The following CREB3L2 variants were observed in gnomAD, a reference collection of about 807,000 sequenced individuals.
CREB3L2 encodes cAMP responsive element binding protein 3 like 2.
In CREB3L2, 23 loss-of-function variants were observed where a neutral mutation model predicts 57.2. The ratio of observed to expected loss-of-function variants is 0.40; its 90% CI spans 0.29 to 0.57. The LOEUF (loss-of-function observed/expected upper bound fraction) is 0.57. Ranked by LOEUF, CREB3L2 falls within the 20% of genes least tolerant of loss-of-function variation. The pLI is 0.42. For missense variants in CREB3L2, 628 were observed against 634.7 expected (o/e 0.99, Z 0.11); for synonymous variants, 268 against 265.1 (o/e 1.01, Z -0.11).
intron 1 of CREB3L2, among the ~76,000 whole-genome samples, chr7:137,989,813 A>G (rs1490439479): frequency 6.6e-6 from 1 of 152,126 alleles, no homozygotes; most frequent in Non-Finnish European, 1.5e-5. Flanking sequence ...CAACGGCAAC[A>G]CCGTCAACTC....
At chr7:137,942,856 T>C (rs562776179) in intron 1 of CREB3L2, among the ~76,000 whole-genome samples, 6 of 152,298 alleles carry the variant, frequency 3.9e-5, no homozygotes, top group Non-Finnish European at 8.8e-5. Context: ...ACATTTGCCT[T>C]CTAGTCACAA....
At chr7:137,979,204 G>C (rs1801666607) in intron 1 of CREB3L2, among the ~76,000 whole-genome samples, 1 of 152,220 alleles carries the variant, frequency 6.6e-6, no homozygotes, top group African/African-American at 2.4e-5. Flanking sequence ...GAATACGAGT[G>C]CTTTGTGCCT....
intron 1 of CREB3L2, among the ~76,000 whole-genome samples, chr7:137,964,047 G>A (rs1801367576): frequency 6.6e-6 from 1 of 152,210 alleles, no homozygotes; most frequent in African/African-American, 2.4e-5. Context: ...AGGCGCGGTG[G>A]CTCACGCCTG....
intron 8 of CREB3L2, among the ~76,000 whole-genome samples, chr7:137,899,102 AAGGAAGGAAG>A (rs1446075447): frequency 3.1e-5 from 1 of 31,948 alleles, no homozygotes; most frequent in Non-Finnish European, 7.6e-5. Context: ...AAAGAGAAGG[AAGGAAGGAAG>A]GAAGGAAGGA....
At chr7:137,912,821 A>G in intron 4 of CREB3L2, 170 bp downstream of exon 4, 1 of 1,517,876 alleles carries the variant, frequency 6.6e-7, no homozygotes, top group South Asian at 1.2e-5. Context: ...TTAGCTTGCA[A>G]AATTTTTATT....
chr7:137,934,206 C>T (rs2117249510), intron 1 of CREB3L2, among the ~76,000 whole-genome samples: 1 of 152,272 alleles, frequency 6.6e-6, no homozygotes, highest in South Asian at 2.1e-4. Flanking sequence ...ATCTCTGTCC[C>T]CTACTGAGAG....
At chr7:137,917,374 C>T (rs1253928051) in intron 2 of CREB3L2, among the ~76,000 whole-genome samples, 1 of 152,178 alleles carries the variant, frequency 6.6e-6, no homozygotes, top group African/African-American at 2.4e-5. Context: ...AGCCACAGAA[C>T]AAGACAAAGC....
chr7:137,973,375 C>T (rs963777893), intron 1 of CREB3L2, among the ~76,000 whole-genome samples: 59 of 151,886 alleles, frequency 3.9e-4, no homozygotes, highest in Non-Finnish European at 7.2e-4. Flanking sequence ...GGTTCAGTAC[C>T]GCACCAAGGA....
chr7:137,911,292 T>C (rs192156241), intron 4 of CREB3L2, among the ~76,000 whole-genome samples: 4 of 152,232 alleles, frequency 2.6e-5, no homozygotes, highest in African/African-American at 4.8e-5. Context: ...TTATTAACTT[T>C]TAAAATTTAA....
rs757592396 is a variant in CREB3L2 at position 137,913,023 on chromosome 7, A to G, written c.551T>C (p.Val184Ala). 6 of 1,614,124 alleles carry G rather than the reference A, an allele frequency of 3.7e-6. No individual in the cohort carries two copies. The Admixed American group carries it at 1.0e-4, about 27-fold the overall frequency. Residue 184 changes from valine to alanine, a missense_variant, in exon 4 of 12, where the codon GTG becomes GCG. Val to Ala is a moderately conservative substitution (Grantham distance 64). Coordinates refer to ENST00000330387, the MANE Select transcript of CREB3L2 (RefSeq NM_194071.4). The stretch of plus-strand genomic sequence containing the variant: ...AGGAGAGAAGTTTAGAAACTGATCC[A>G]CTTCATGAGGCTCCAGCTTAATTTT... Reference protein sequence around the residue: ...IPKIKLEPHEVDQFLNFSPKE... With the variant: ...IPKIKLEPHEADQFLNFSPKE...
Position 137,947,060 on chromosome 7 carries a change from C to T in CREB3L2, c.103-18694G>A, listed in dbSNP as rs1395459094. Reference sequence around the variant, plus strand: ...AATCCATAGACTGAACTGAGTCCCACCGAAATCCAAATGTTGAAGCCCTAG... The same window carrying T: ...AATCCATAGACTGAACTGAGTCCCATCGAAATCCAAATGTTGAAGCCCTAG... On this transcript the variant is annotated intron_variant, in intron 1 of 11. Coordinates refer to ENST00000330387, the MANE Select transcript of CREB3L2 (RefSeq NM_194071.4). Among the ~76,000 whole-genome samples the T allele has an allele frequency of 2.9e-5, 4 of 140,104 alleles. No homozygotes were observed. The Admixed American group carries it at 3.2e-4, about 11-fold the overall frequency. 91.9% of individuals were successfully genotyped at this position (140,104 alleles called of 152,430 possible).
chr7:137,903,263 T>C (rs1799802960), intron 7 of CREB3L2, among the ~76,000 whole-genome samples: 1 of 152,206 alleles, frequency 6.6e-6, no homozygotes, highest in African/African-American at 2.4e-5. Context: ...ATAGTAGCTT[T>C]GAGAAACAGC....
At position 137,880,667 on chromosome 7, in the gene CREB3L2, G is replaced by A. The variant is rs1799275655; in HGVS notation, c.1488-116C>T. ...GTTGCAACTTGGTGAGACGGCCTGGGCATGTTTCTTGTCCTTTTCTCTCCT... is the reference window on the plus strand; with the variant it reads ...GTTGCAACTTGGTGAGACGGCCTGGACATGTTTCTTGTCCTTTTCTCTCCT... On this transcript the variant is annotated intron_variant, in intron 11 of 11. Coordinates refer to ENST00000330387, the MANE Select transcript of CREB3L2 (RefSeq NM_194071.4). The surrounding 1 kb of genome is among the most constrained non-coding windows in gnomAD (Gnocchi z 4.0). The A allele has an allele frequency of 3.8e-6, 3 of 795,180 alleles. No homozygotes were observed. Among genetic ancestry groups the A allele is most frequent in the East Asian group, 5.3e-5 (2 of 37,852 alleles). 49.3% of individuals were successfully genotyped at this position (795,180 alleles called of 1,614,324 possible). A position where few individuals can be genotyped will look rare whatever the true frequency, so the allele number is the denominator to read the frequency against.
At chr7:137,883,195 TAG>T (rs1327082857) in intron 10 of CREB3L2, among the ~76,000 whole-genome samples, 2 of 152,250 alleles carry the variant, frequency 1.3e-5, no homozygotes, top group Non-Finnish European at 2.9e-5. Flanking sequence ...CAATTAAATT[TAG>T]AGAGATAGTT....
intron 2 of CREB3L2, among the ~76,000 whole-genome samples, chr7:137,927,278 G>GAGGAAGGA (rs1554498591): frequency 0.016 from 2,138 of 136,598 alleles, 37 homozygotes; most frequent in African/African-American, 0.039. Flanking sequence ...GAAAGGAAAG[G>GAGGAAGGA]AGGAAGGAAG....
intron 1 of CREB3L2, among the ~76,000 whole-genome samples, chr7:137,992,531 T>A (rs1023416826): frequency 2.6e-5 from 4 of 152,246 alleles, no homozygotes; most frequent in African/African-American, 9.6e-5. Context: ...CCAGAGCTGT[T>A]CTGCTGCTCA....
intron 1 of CREB3L2, among the ~76,000 whole-genome samples, chr7:137,965,304 G>A (rs1286132319): frequency 2.0e-5 from 3 of 152,026 alleles, no homozygotes; most frequent in Non-Finnish European, 4.4e-5. Context: ...TTTCCAACAC[G>A]CAGTATCAAC....
chr7:137,888,732 C>A (rs372340844), intron 8 of CREB3L2, among the ~76,000 whole-genome samples: 40 of 152,146 alleles, frequency 2.6e-4, no homozygotes, highest in African/African-American at 9.1e-4. Flanking sequence ...CTATGAAAAG[C>A]GGTCTCCTGT....
chr7:137,984,859 C>T (rs1435532332), intron 1 of CREB3L2, among the ~76,000 whole-genome samples: 1 of 152,200 alleles, frequency 6.6e-6, no homozygotes, highest in Non-Finnish European at 1.5e-5. Flanking sequence ...GTCTCAAAGT[C>T]TCCCAAATTG....
Sources: gnomAD v4.1 joint callset for allele counts (sites outside exome capture counted in the v4.1 genomes callset) on GRCh38, gnomAD v4.1.1 for gene constraint, Gnocchi (gnomAD v3.1) non-coding constraint, MANE v1.5 for transcripts, NCBI Gene and HGNC (gene_info 2026-07-23, HGNC 2026-07-21) for gene names.